Variants in OSBPL9 observed in about 807,000 individuals in gnomAD.
OSBPL9 encodes oxysterol-binding protein-related protein 9.
OSBPL9 carries 40 observed loss-of-function variants against 106.6 expected under a neutral mutation model. That is an observed-to-expected ratio of 0.38 (90% CI 0.29 to 0.49). The LOEUF is 0.49. Ranked by LOEUF, OSBPL9 falls within the 20% of genes least tolerant of loss-of-function variation. OSBPL9 has a pLI of 0.97. For missense variants in OSBPL9, 609 were observed against 887.2 expected, an observed-to-expected ratio of 0.69 and a Z score of 3.98; for synonymous variants, 269 against 295.4, an observed-to-expected ratio of 0.91 and a Z score of 0.92.
At chr1:51,737,275 CA>C (rs1310646406) in intron 4 of OSBPL9, among the ~76,000 whole-genome samples, 5 of 151,874 alleles carry the variant, frequency 3.3e-5, no homozygotes, top group Non-Finnish European at 7.4e-5. Flanking sequence ...TAGACAATTT[CA>C]AAAGAATAAT....
intron 3 of OSBPL9, among the ~76,000 whole-genome samples, chr1:51,683,511 C>T (rs1653071198): frequency 6.6e-6 from 1 of 150,832 alleles, no homozygotes; most frequent in South Asian, 2.2e-4. Context: ...AGGAAATCTT[C>T]GCTGGGCTTG....
At chr1:51,776,482 G>A (rs561876259) in intron 14 of OSBPL9, among the ~76,000 whole-genome samples, 12 of 152,316 alleles carry the variant, frequency 7.9e-5, no homozygotes, top group Admixed American at 2.6e-4. Flanking sequence ...ATAAAATAAT[G>A]TATATGTAAT....
intron 1 of OSBPL9, chr1:51,582,680 A>T (rs910026852): frequency 6.6e-6 from 1 of 151,966 alleles, no homozygotes; most frequent in East Asian, 1.9e-4. Context: ...CTCTACACTC[A>T]CTTGTTTATT....
At chr1:51,785,138 GA>G in intron 20 of OSBPL9, 2 of 157,340 alleles carry the variant, frequency 1.3e-5, no homozygotes, top group Non-Finnish European at 2.8e-5. Flanking sequence ...AACTGGGGGG[GA>G]AGGGGACAGT....
In OSBPL9 at chr1:51,781,076, G is replaced by A. The variant is rs959149197; in HGVS notation, c.1257-88G>A. 4.8e-5 allele frequency: 63 copies of A among 1,311,006 alleles called. No individual in the cohort carries two copies. In the African/African-American group the frequency reaches 8.0e-4, roughly 17 times the overall value. 81.2% of individuals were successfully genotyped at this position (1,311,006 alleles called of 1,614,324 possible). A position where few individuals can be genotyped will look rare whatever the true frequency, so the allele number is the denominator to read the frequency against. ...CCTAGGTCCTCAGTCCTCTCAGCCT[G>A]ACTTAGGTGGACCATGCTGGGGGTT... On this transcript the variant is annotated intron_variant, in intron 15 of 23. Coordinates refer to ENST00000428468, the MANE Select transcript of OSBPL9 (RefSeq NM_024586.6).
At chr1:51,632,162 G>T (rs1645148020) in intron 1 of OSBPL9, among the ~76,000 whole-genome samples, 1 of 152,098 alleles carries the variant, frequency 6.6e-6, no homozygotes, top group Admixed American at 6.5e-5. Context: ...ATAAAATACA[G>T]TATAGTAAAT....
chr1:51,632,403 G>A (rs1359003115), intron 1 of OSBPL9, among the ~76,000 whole-genome samples: 1 of 152,100 alleles, frequency 6.6e-6, no homozygotes, highest in African/African-American at 2.4e-5. Flanking sequence ...AAATTTAAGA[G>A]GATCCCATAG....
Position 51,788,010 on chromosome 1 carries a change from C to T in OSBPL9, c.*221C>T, listed in dbSNP as rs1678114871. On this transcript the variant is annotated 3_prime_UTR_variant, in exon 24 of 24. Coordinates refer to ENST00000428468, the MANE Select transcript of OSBPL9 (RefSeq NM_024586.6). Reference sequence around the variant, plus strand: ...ATTTTGACTTCAGTCCTGAGAAAAACTTCAGGTTTTGAAAATCAGATGATG... The same window carrying T: ...ATTTTGACTTCAGTCCTGAGAAAAATTTCAGGTTTTGAAAATCAGATGATG... 5.9e-6 allele frequency: 3 copies of T among 507,604 alleles called. No homozygotes were observed. In the East Asian group the frequency reaches 9.7e-5, roughly 16 times the overall value. The allele number at this position is 507,604 out of a possible 1,614,324, so 31.4% of individuals were successfully genotyped here.
intron 4 of OSBPL9, chr1:51,730,194 G>C (rs1664071330): frequency 9.8e-6 from 12 of 1,228,772 alleles, no homozygotes; most frequent in Non-Finnish European, 1.2e-5. Context: ...CCTAGATGGG[G>C]TGGAGGCTGA....
intron 3 of OSBPL9, among the ~76,000 whole-genome samples, chr1:51,677,422 C>T (rs1039033277): frequency 3.3e-5 from 5 of 152,168 alleles, no homozygotes; most frequent in East Asian, 3.9e-4. Context: ...ATATATTAGG[C>T]ATGTCTTGCC....
the OSBPL9 span, among the ~76,000 whole-genome samples, chr1:51,558,227 C>T: frequency 6.6e-6 from 1 of 151,912 alleles, no homozygotes; most frequent in Non-Finnish European, 1.5e-5. Flanking sequence ...TTGCAGTGAG[C>T]CAAGATTGTG....
chr1:51,541,510 G>T, the OSBPL9 span, among the ~76,000 whole-genome samples: 1 of 152,148 alleles, frequency 6.6e-6, no homozygotes, highest in Admixed American at 6.6e-5. Context: ...TCCTGACAGA[G>T]AAATATTGAT....
upstream of OSBPL9, among the ~76,000 whole-genome samples, chr1:51,573,350 A>G (rs1472211993): frequency 2.0e-5 from 3 of 151,240 alleles, no homozygotes; most frequent in East Asian, 5.8e-4. Context: ...CTCTACTAAA[A>G]ATACAAAATT....
chr1:51,634,215 T>A (rs1391677417), intron 1 of OSBPL9, among the ~76,000 whole-genome samples: 2 of 152,210 alleles, frequency 1.3e-5, no homozygotes, highest in African/African-American at 4.8e-5. Flanking sequence ...CTTTGCTAAA[T>A]AGGGAAAAAG....
intron 20 of OSBPL9, 50 bp from the exon 21 acceptor site, chr1:51,785,758 G>C (rs1318258688): frequency 1.3e-6 from 2 of 1,521,450 alleles, no homozygotes; most frequent in African/African-American, 1.4e-5. Context: ...CAGATTCTTT[G>C]GTAGAATTTT....
At chr1:51,693,396 A>G (rs1302283040) in intron 3 of OSBPL9, among the ~76,000 whole-genome samples, 1 of 151,448 alleles carries the variant, frequency 6.6e-6, no homozygotes, top group East Asian at 1.9e-4. Context: ...AAAAAGAGAG[A>G]GAGAGAGAAA....
chr1:51,667,176 A>T (rs1648726288), intron 2 of OSBPL9, among the ~76,000 whole-genome samples: 1 of 152,232 alleles, frequency 6.6e-6, no homozygotes, highest in Non-Finnish European at 1.5e-5. Context: ...AAGAGCAGGC[A>T]TTTGAGAGTG....
intron 17 of OSBPL9, among the ~76,000 whole-genome samples, chr1:51,783,153 A>G (rs909322106): frequency 2.0e-5 from 3 of 151,960 alleles, no homozygotes; most frequent in South Asian, 2.1e-4. Flanking sequence ...TTGTTTCACT[A>G]TTTATTTGTA....
At chr1:51,708,441 G>T (rs546564354) in intron 3 of OSBPL9, among the ~76,000 whole-genome samples, 2 of 152,042 alleles carry the variant, frequency 1.3e-5, no homozygotes, top group East Asian at 3.9e-4. Context: ...GTTGTATTCA[G>T]CATTCTGTAT....
Sources: allele counts gnomAD v4.1 joint callset (sites outside exome capture counted in the v4.1 genomes callset), GRCh38; gene constraint gnomAD v4.1.1; transcripts MANE v1.5; gene names NCBI Gene and HGNC (gene_info 2026-07-23, HGNC 2026-07-21).